BCAS4: variants seen among roughly 807,000 people sequenced by gnomAD.
BCAS4 encodes the protein breast carcinoma-amplified sequence 4.
In BCAS4, 9 loss-of-function variants were observed where a neutral mutation model predicts 15.7. The ratio of observed to expected loss-of-function variants is 0.57; its 90% confidence interval spans 0.34 to 1.00. The LOEUF (loss-of-function observed/expected upper bound fraction) is 1.00, where lower values mean the gene tolerates loss of function less well. BCAS4 is among the 50% of genes least tolerant of loss of function. The probability of loss-of-function intolerance (pLI) is 0.02; values close to 1 mark genes in which losing one functional copy is unlikely to be tolerated. For missense variants in BCAS4, 225 were observed against 239.1 expected (o/e 0.94, Z 0.39); for synonymous variants, 101 against 99.5 (o/e 1.02, Z -0.09).
intron 3 of BCAS4, among the ~76,000 whole-genome samples, chr20:50,833,270 G>A (rs921975966): frequency 7.2e-5 from 11 of 152,222 alleles, no homozygotes; most frequent in Non-Finnish European, 1.5e-4. Flanking sequence ...GAAACTGGCA[G>A]CAGCAGCCAG....
chr20:50,818,382 C>A, intron 2 of BCAS4, 100 bp downstream of exon 2: 2 of 1,166,046 alleles, frequency 1.7e-6, no homozygotes, highest in Non-Finnish European at 2.5e-6. Flanking sequence ...AGTTAGCAAC[C>A]AGGAGGAATG....
chr20:50,817,664 G>A (rs1245396939), intron 1 of BCAS4, among the ~76,000 whole-genome samples: 1 of 152,102 alleles, frequency 6.6e-6, no homozygotes, highest in Non-Finnish European at 1.5e-5. Context: ...GTTCTGCCAT[G>A]TTGGTCAGGC....
intron 4 of BCAS4, among the ~76,000 whole-genome samples, chr20:50,861,553 T>G (rs1052148354): frequency 6.6e-6 from 1 of 152,170 alleles, no homozygotes; most frequent in Non-Finnish European, 1.5e-5. Flanking sequence ...TATCATAGCT[T>G]TCACAGAGGG....
chr20:50,850,985 G>T (rs1978382618), intron 4 of BCAS4, among the ~76,000 whole-genome samples: 1 of 152,116 alleles, frequency 6.6e-6, no homozygotes, highest in African/African-American at 2.4e-5. Flanking sequence ...AGTCGTCAGT[G>T]CCAGGCTCAG....
intron 2 of BCAS4, among the ~76,000 whole-genome samples, chr20:50,829,977 C>T (rs2088323801): frequency 6.6e-6 from 1 of 152,202 alleles, no homozygotes; most frequent in African/African-American, 2.4e-5. Flanking sequence ...TTTCCATTCG[C>T]TCCAGTTCAG....
At chr20:50,871,629 TAGGGTTCACGCGCTCCA>T (rs1357356512) in intron 4 of BCAS4, among the ~76,000 whole-genome samples, 2 of 152,170 alleles carry the variant, frequency 1.3e-5, no homozygotes, top group African/African-American at 4.8e-5. Flanking sequence ...TTCAGCAAAA[TAGGGTTCACGCGCTCCA>T]AGTGATATTG....
At chr20:50,853,699 T>TGGGGGTGTTTTGTGTACTG (rs1568678723) in intron 4 of BCAS4, among the ~76,000 whole-genome samples, 1 of 17,224 alleles carries the variant, frequency 5.8e-5, no homozygotes, top group Non-Finnish European at 1.1e-4. Context: ...TTTTGTGTAC[T>TGGGGGTGTTTTGTGTACTG]GGGGGTGTTT....
intron 2 of BCAS4, among the ~76,000 whole-genome samples, chr20:50,827,332 C>T (rs1192073732): frequency 6.6e-6 from 1 of 152,200 alleles, no homozygotes; most frequent in African/African-American, 2.4e-5. Context: ...GGAACGATCA[C>T]CACAGAGGAG....
intron 1 of BCAS4, among the ~76,000 whole-genome samples, chr20:50,816,531 GC>G (rs1466078310): frequency 6.6e-6 from 1 of 152,156 alleles, no homozygotes; most frequent in Non-Finnish European, 1.5e-5. Flanking sequence ...GCAGCTCCGG[GC>G]CTGCATTTCC....
chr20:50,833,847 AG>A (rs1038985247), intron 3 of BCAS4, among the ~76,000 whole-genome samples: 2 of 152,190 alleles, frequency 1.3e-5, no homozygotes, highest in Middle Eastern at 3.4e-3. Flanking sequence ...ACAGGGAAGC[AG>A]GCCGGGTGGG....
intron 4 of BCAS4, among the ~76,000 whole-genome samples, chr20:50,870,997 G>T (rs1979610838): frequency 6.6e-6 from 1 of 152,236 alleles, no homozygotes; most frequent in South Asian, 2.1e-4. Context: ...GGGAGGAGGG[G>T]GTGGGGAGCT....
chr20:50,810,183 T>TA (rs2123760478), intron 1 of BCAS4, among the ~76,000 whole-genome samples: 1 of 151,756 alleles, frequency 6.6e-6, no homozygotes, highest in East Asian at 1.9e-4. Context: ...TGCCCTGTGA[T>TA]ACTGCCTGAA....
At chr20:50,816,438 T>A (rs938274954) in intron 1 of BCAS4, among the ~76,000 whole-genome samples, 8 of 152,266 alleles carry the variant, frequency 5.3e-5, no homozygotes, top group South Asian at 4.1e-4. Flanking sequence ...AAGGGTTTTT[T>A]AAATGTGTTC....
Position 50,851,424 on chromosome 20 carries a change from G to T in BCAS4, c.399+9524G>T, listed in dbSNP as rs542708711. Among the ~76,000 whole-genome samples the T allele has an allele frequency of 6.6e-6, 1 of 152,314 alleles. No homozygotes were observed. Among genetic ancestry groups the T allele is most frequent in the Admixed American group, 6.5e-5 (1 of 15,300 alleles). On this transcript the variant is annotated intron_variant, in intron 4 of 4. Coordinates refer to ENST00000371608, the MANE Select transcript of BCAS4 (RefSeq NM_198799.4). The surrounding 1 kb of genome is among the most constrained non-coding windows in gnomAD (Gnocchi z 4.3). ...CAAGGTCTTTGGTGGAGTGCTATAGGGGGACGGAGGGTTCCTGGCAGGCTG... is the reference window on the plus strand; with the variant it reads ...CAAGGTCTTTGGTGGAGTGCTATAGTGGGACGGAGGGTTCCTGGCAGGCTG...
intron 4 of BCAS4, among the ~76,000 whole-genome samples, chr20:50,868,133 C>T (rs1230871919): frequency 6.6e-6 from 1 of 152,128 alleles, no homozygotes; most frequent in Non-Finnish European, 1.5e-5. Flanking sequence ...AGAGGTAAGG[C>T]GCCCTTCACA....
chr20:50,840,128 C>T (rs976144148), intron 3 of BCAS4, among the ~76,000 whole-genome samples: 31 of 152,204 alleles, frequency 2.0e-4, no homozygotes, highest in Non-Finnish European at 4.4e-5. Context: ...TCCCTGGCTT[C>T]AGCCTCCCAA....
At chr20:50,801,433 CA>C (rs1382331128) in intron 1 of BCAS4, among the ~76,000 whole-genome samples, 1 of 151,710 alleles carries the variant, frequency 6.6e-6, no homozygotes. Flanking sequence ...GTCTCAAAAA[CA>C]AAAAACAAAA....
the BCAS4 span, chr20:50,882,354 T>TA: frequency 6.6e-6 from 1 of 152,236 alleles, no homozygotes; most frequent in East Asian, 1.9e-4. Flanking sequence ...GATCTGGGTT[T>TA]TATTCCTTTA....
At chr20:50,818,578 G>T (rs1287437034) in intron 2 of BCAS4, among the ~76,000 whole-genome samples, 1 of 152,184 alleles carries the variant, frequency 6.6e-6, no homozygotes, top group Non-Finnish European at 1.5e-5. Context: ...GCACTCTCGG[G>T]CACCGATGCA....
Sources: allele counts gnomAD v4.1 joint callset (sites outside exome capture counted in the v4.1 genomes callset), GRCh38; gene constraint gnomAD v4.1.1; non-coding constraint Gnocchi (gnomAD v3.1); transcripts MANE v1.5; gene names NCBI Gene and HGNC (gene_info 2026-07-23, HGNC 2026-07-21).